The following CSTPP1 variants were observed in gnomAD, a reference collection of about 807,000 sequenced individuals.
The protein encoded by CSTPP1 is centriolar satellite-associated tubulin polyglutamylase complex regulator 1.
the CSTPP1 span, among the ~76,000 whole-genome samples, chr11:47,035,786 T>C: frequency 6.6e-6 from 1 of 151,986 alleles, no homozygotes; most frequent in East Asian, 1.9e-4. Flanking sequence ...TTTTCCAATA[T>C]GTGTAGGATG....
the CSTPP1 span, among the ~76,000 whole-genome samples, chr11:47,122,091 A>AAAAAATATATATAT: frequency 6.3e-5 from 2 of 31,834 alleles, no homozygotes; most frequent in Non-Finnish European, 6.4e-5. Flanking sequence ...AAAAAAAAAA[A>AAAAAATATATATAT]ATATATATAT....
At chr11:46,954,572 A>T in the CSTPP1 span, among the ~76,000 whole-genome samples, 26 of 152,208 alleles carry the variant, frequency 1.7e-4, no homozygotes, top group East Asian at 3.7e-3. Context: ...AATAAATAAA[A>T]AATAAAATAA....
chr11:47,115,961 AT>A, the CSTPP1 span, among the ~76,000 whole-genome samples: 1 of 152,226 alleles, frequency 6.6e-6, no homozygotes, highest in South Asian at 2.1e-4. Flanking sequence ...ATTTAATGCT[AT>A]AAATTTCCCT....
At chr11:47,156,492 C>T in the CSTPP1 span, among the ~76,000 whole-genome samples, 1 of 152,228 alleles carries the variant, frequency 6.6e-6, no homozygotes, top group Non-Finnish European at 1.5e-5. Flanking sequence ...TTCTCTGTTC[C>T]TCGCTGGTAT....
the CSTPP1 span, among the ~76,000 whole-genome samples, chr11:47,124,825 G>A: frequency 6.6e-6 from 1 of 152,110 alleles, no homozygotes; most frequent in South Asian, 2.1e-4. Flanking sequence ...TTGTATGCCT[G>A]CCAGTCTCAG....
chr11:47,011,366 C>G, the CSTPP1 span, among the ~76,000 whole-genome samples: 1 of 152,144 alleles, frequency 6.6e-6, no homozygotes, highest in Non-Finnish European at 1.5e-5. Flanking sequence ...ATAGATAGAA[C>G]TTTACAACTA....
chr11:47,000,010 T>C, the CSTPP1 span, among the ~76,000 whole-genome samples: 5 of 152,344 alleles, frequency 3.3e-5, no homozygotes, highest in African/African-American at 1.2e-4. Context: ...GTAGATCATA[T>C]TCCTCTGGAC....
the CSTPP1 span, chr11:47,160,491 T>A: frequency 6.6e-6 from 1 of 152,314 alleles, no homozygotes; most frequent in Non-Finnish European, 1.5e-5. Context: ...GTTCCCTTAG[T>A]CCCCAGGGCA....
the CSTPP1 span, among the ~76,000 whole-genome samples, chr11:47,049,664 T>C: frequency 6.6e-6 from 1 of 151,634 alleles, no homozygotes; most frequent in Non-Finnish European, 1.5e-5. Context: ...TAGATAAATA[T>C]TATGTTAATG....
At chr11:47,110,939 G>A in the CSTPP1 span, among the ~76,000 whole-genome samples, 1 of 140,152 alleles carries the variant, frequency 7.1e-6, no homozygotes, top group Non-Finnish European at 1.5e-5. Context: ...GCCCAGGCTG[G>A]AGTGCAGTGG....
At chr11:47,058,448 A>G in the CSTPP1 span, among the ~76,000 whole-genome samples, 47 of 152,364 alleles carry the variant, frequency 3.1e-4, no homozygotes, top group African/African-American at 1.1e-3. Context: ...GAGATGATGG[A>G]ATTAACTAAC....
chr11:47,005,045 C>G, the CSTPP1 span, among the ~76,000 whole-genome samples: 1 of 152,162 alleles, frequency 6.6e-6, no homozygotes, highest in African/African-American at 2.4e-5. Flanking sequence ...TCATACTTTA[C>G]CTTCTATGCA....
At chr11:47,141,752 G>A in the CSTPP1 span, among the ~76,000 whole-genome samples, 2 of 151,778 alleles carry the variant, frequency 1.3e-5, no homozygotes, top group African/African-American at 4.8e-5. Context: ...TGGCCAACAT[G>A]GTGAAACCTG....
chr11:47,006,963 T>G, the CSTPP1 span, among the ~76,000 whole-genome samples: 1 of 150,766 alleles, frequency 6.6e-6, no homozygotes, highest in Admixed American at 6.6e-5. Context: ...ATTCTCTGTC[T>G]CTTATGCTCT....
chr11:47,152,181 C>T, the CSTPP1 span, among the ~76,000 whole-genome samples: 4 of 150,738 alleles, frequency 2.7e-5, no homozygotes, highest in African/African-American at 4.9e-5. Flanking sequence ...ACCTAGGAGG[C>T]GGAGGTTGCA....
the CSTPP1 span, among the ~76,000 whole-genome samples, chr11:47,134,306 T>C: frequency 6.6e-6 from 1 of 152,136 alleles, no homozygotes; most frequent in African/African-American, 2.4e-5. Context: ...CAAGAGATTC[T>C]CCTGCCCCCC....
the CSTPP1 span, among the ~76,000 whole-genome samples, chr11:47,064,968 TCC>T: frequency 6.6e-6 from 1 of 152,178 alleles, no homozygotes. Context: ...AGTCTTGAAC[TCC>T]TGACCTTGTG....
the CSTPP1 span, among the ~76,000 whole-genome samples, chr11:47,064,263 G>A: frequency 6.6e-6 from 1 of 151,764 alleles, no homozygotes; most frequent in Non-Finnish European, 1.5e-5. Context: ...CTGTTCTGTA[G>A]GTCATCTTTT....
the CSTPP1 span, among the ~76,000 whole-genome samples, chr11:47,114,891 G>A: frequency 6.6e-6 from 1 of 152,160 alleles, no homozygotes; most frequent in Non-Finnish European, 1.5e-5. Context: ...GTGAGAGAGG[G>A]CATCCTTGTC....
Sources: allele counts gnomAD v4.1 joint callset (sites outside exome capture counted in the v4.1 genomes callset), GRCh38; gene constraint gnomAD v4.1.1; transcripts MANE v1.5; gene names NCBI Gene and HGNC (gene_info 2026-07-23, HGNC 2026-07-21).